CFAP47: variants seen among roughly 807,000 people sequenced by gnomAD.
CFAP47 encodes cilia- and flagella-associated protein 47.
A neutral mutation model predicts 148.1 loss-of-function variants in CFAP47; 29 were observed. The observed-to-expected ratio is 0.20, with a 90% CI of 0.15 to 0.27. The LOEUF is 0.27. CFAP47 is among the 10% of genes least tolerant of loss of function. The pLI, the probability that CFAP47 is intolerant of heterozygous loss-of-function variation, is 1.00. For synonymous variants in CFAP47, 664 were observed against 577.3 expected (o/e 1.15, Z -2.15); for missense variants, 1,872 against 1,697.5 (o/e 1.10, Z -1.81).
intron 33 of CFAP47, among the ~76,000 whole-genome samples, chrX:36,111,570 T>G (rs1938555678): frequency 9.0e-6 from 1 of 111,549 alleles, no homozygotes; most frequent in Non-Finnish European, 1.9e-5. Context: ...TTTCATTTTT[T>G]TGTTGTTGTT....
chrX:36,306,789 C>A lies in CFAP47; in HGVS notation c.8100C>A (p.His2700Gln). The change falls in exon 55 of 64, where the codon CAC (histidine) becomes CAA (glutamine). Residue 2700 changes from histidine (H) to glutamine (Q), a missense_variant. Coordinates refer to ENST00000378653, the MANE Select transcript of CFAP47 (RefSeq NM_001304548.2). ...NRKSQLIISP[H>Q]STTELPVLFY... is the part of the protein sequence containing the mutation. ...TTACACAGCTGATCATATCTCCTCACTCCACCACAGAATTACCTGTTCTCT... is the reference window on the plus strand; with the variant it reads ...TTACACAGCTGATCATATCTCCTCAATCCACCACAGAATTACCTGTTCTCT... 8.6e-7 allele frequency: 1 copy of A among 1,157,252 alleles called. No individual in the cohort carries two copies. The highest frequency in any genetic ancestry group is 1.2e-6 in the Non-Finnish European group (1 of 865,271).
intron 42 of CFAP47, among the ~76,000 whole-genome samples, chrX:36,191,572 A>C (rs1415640323): frequency 1.8e-5 from 2 of 111,934 alleles, no homozygotes; most frequent in Admixed American, 1.9e-4. Flanking sequence ...TACATGAAGA[A>C]GATCTATTGT....
intron 45 of CFAP47, among the ~76,000 whole-genome samples, chrX:36,221,156 T>C (rs1940209042): frequency 9.0e-6 from 1 of 111,643 alleles, no homozygotes; most frequent in African/African-American, 3.2e-5. Flanking sequence ...AATCAGTAAA[T>C]GTGGGTAACT....
At chrX:36,274,924 G>A (rs1556002414) in intron 49 of CFAP47, among the ~76,000 whole-genome samples, 1 of 111,719 alleles carries the variant, frequency 9.0e-6, no homozygotes, top group Non-Finnish European at 1.9e-5. Flanking sequence ...CTTAGAGGAA[G>A]AGCTTTCTGT....
chrX:36,358,089 T>C lies in CFAP47; in HGVS notation c.8852-3241T>C, dbSNP rs139042910. Reference sequence around the variant, plus strand: ...CCTGTGACCTCATATTGACCTCCTGTCCTTGATTCTTTGCTCTGTTTCTCT... The same window carrying C: ...CCTGTGACCTCATATTGACCTCCTGCCCTTGATTCTTTGCTCTGTTTCTCT... On this transcript the variant is annotated intron_variant, in intron 60 of 63. Coordinates refer to ENST00000378653, the MANE Select transcript of CFAP47 (RefSeq NM_001304548.2). Among the ~76,000 whole-genome samples, 741 of 111,626 alleles carry C rather than the reference T, an allele frequency of 6.6e-3. 3 individuals carry two copies. Among genetic ancestry groups the C allele is most frequent in the African/African-American group, 0.023 (701 of 30,701 alleles).
chrX:36,373,719 T>C (rs1198286620), intron 62 of CFAP47, among the ~76,000 whole-genome samples: 1 of 112,029 alleles, frequency 8.9e-6, no homozygotes, highest in Non-Finnish European at 1.9e-5. Flanking sequence ...TTTTCATAAA[T>C]GACCTTTATC....
chrX:36,222,126 G>C (rs1226959223), intron 45 of CFAP47, among the ~76,000 whole-genome samples: 1 of 111,723 alleles, frequency 9.0e-6, no homozygotes, highest in African/African-American at 3.2e-5. Context: ...TCAGTAACAG[G>C]GAACTGCATA....
At chrX:35,983,696 G>A (rs1396575498) in intron 15 of CFAP47, among the ~76,000 whole-genome samples, 1 of 105,566 alleles carries the variant, frequency 9.5e-6, no homozygotes, top group Non-Finnish European at 1.9e-5. Context: ...TATATTGAAA[G>A]CCTTTTCTGC....
chrX:36,148,901 A>ATG (rs60968920), intron 36 of CFAP47, among the ~76,000 whole-genome samples: 7,892 of 92,140 alleles, frequency 0.086, 379 homozygotes, highest in African/African-American at 0.16. Flanking sequence ...AACTGTATGT[A>ATG]TGTGTGTGTG....
At chrX:36,329,265 G>A (rs1164210509) in intron 57 of CFAP47, among the ~76,000 whole-genome samples, 1 of 109,273 alleles carries the variant, frequency 9.2e-6, no homozygotes, top group Non-Finnish European at 1.9e-5. Context: ...AGGGAAAATA[G>A]TCTCTCTGAT....
At chrX:36,015,170 C>T (rs1937082855) in intron 22 of CFAP47, among the ~76,000 whole-genome samples, 1 of 109,684 alleles carries the variant, frequency 9.1e-6, no homozygotes, top group Non-Finnish European at 1.9e-5. Flanking sequence ...CAATTTAGTA[C>T]ATTATTATGT....
intron 63 of CFAP47, among the ~76,000 whole-genome samples, chrX:36,382,219 C>T (rs1942084225): frequency 9.0e-6 from 1 of 111,355 alleles, no homozygotes; most frequent in South Asian, 3.8e-4. Flanking sequence ...AAAGGAATCC[C>T]GTGGAAGATC....
chrX:36,310,084 G>T (rs1221776286), intron 55 of CFAP47, among the ~76,000 whole-genome samples: 1 of 106,265 alleles, frequency 9.4e-6, no homozygotes, highest in African/African-American at 3.4e-5. Context: ...TATAAAGTAG[G>T]ACATTGTTTG....
intron 48 of CFAP47, among the ~76,000 whole-genome samples, chrX:36,248,163 G>GTATTATGTATTATATT (rs1270569587): frequency 2.8e-5 from 3 of 105,429 alleles, no homozygotes; most frequent in Non-Finnish European, 5.8e-5. Flanking sequence ...TATCATATAT[G>GTATTATGTATTATATT]TATTATGTAT....
rs186143899 is a variant in CFAP47 at position 36,224,583 on chromosome X, C to T, written c.6818-4045C>T. ...GGCAGATATTTGATAGCTTCTTTTA[C>T]ATTAGTCTCTTTTTTGCTGCTGGTA... On this transcript the variant is annotated intron_variant, in intron 45 of 63. Coordinates refer to ENST00000378653, the MANE Select transcript of CFAP47 (RefSeq NM_001304548.2). Among the ~76,000 whole-genome samples the T allele has an allele frequency of 1.5e-3, 172 of 111,741 alleles. 1 individual carries two copies. Among genetic ancestry groups the T allele is most frequent in the African/African-American group, 5.1e-3 (158 of 30,830 alleles).
chrX:36,191,460 T>C (rs1555986481), intron 42 of CFAP47, among the ~76,000 whole-genome samples: 1 of 111,827 alleles, frequency 8.9e-6, no homozygotes, highest in Non-Finnish European at 1.9e-5. Flanking sequence ...TTTGTCCTTG[T>C]CAGAGAAAAC....
chrX:36,261,947 C>A (rs980320452), intron 49 of CFAP47, among the ~76,000 whole-genome samples: 2 of 109,437 alleles, frequency 1.8e-5, no homozygotes, highest in Non-Finnish European at 3.8e-5. Context: ...GCTGGCCGGG[C>A]GGGGGCTGAC....
At chrX:36,230,735 T>C (rs1940340786) in intron 46 of CFAP47, among the ~76,000 whole-genome samples, 1 of 108,687 alleles carries the variant, frequency 9.2e-6, no homozygotes, top group Admixed American at 9.9e-5. Flanking sequence ...AGGGTTTTTA[T>C]GGTTTTAGGT....
chrX:35,999,963 TA>T (rs924623794), intron 19 of CFAP47, among the ~76,000 whole-genome samples: 3 of 111,280 alleles, frequency 2.7e-5, no homozygotes, highest in African/African-American at 9.8e-5. Context: ...TTAATTAGTT[TA>T]AATATGGCTT....
Sources: gnomAD v4.1 joint callset for allele counts (sites outside exome capture counted in the v4.1 genomes callset) on GRCh38, gnomAD v4.1.1 for gene constraint, MANE v1.5 for transcripts, NCBI Gene and HGNC (gene_info 2026-07-23, HGNC 2026-07-21) for gene names.